The following ICA1 variants were observed in gnomAD, a reference collection of about 807,000 sequenced individuals.
ICA1 encodes islet cell autoantigen 1, also known as 69 kDa islet cell autoantigen.
Under a neutral mutation model 71.0 loss-of-function variants are expected in ICA1, and 40 were observed. The ratio of observed to expected loss-of-function variants is 0.56; its 90% CI spans 0.44 to 0.73. ICA1 has a LOEUF of 0.73. Among genes scored for constraint, ICA1 ranks in the 30% least tolerant of loss-of-function variants. The probability of loss-of-function intolerance (pLI) is 0.00; values close to 1 mark genes in which losing one functional copy is unlikely to be tolerated. For synonymous variants in ICA1, 207 were observed against 209.5 expected (o/e 0.99, Z 0.10); for missense variants, 578 against 576.5 (o/e 1.00, Z -0.03).
At chr7:8,233,394 ATTTT>A (rs35599635) in intron 2 of ICA1, among the ~76,000 whole-genome samples, 1 of 142,714 alleles carries the variant, frequency 7.0e-6, no homozygotes, top group African/African-American at 2.6e-5. Context: ...TATTCTTGGT[ATTTT>A]TTTTTTTTTT....
In ICA1 at chr7:8,173,096, C is replaced by T. The variant is rs2128236729; in HGVS notation, c.580-14444G>A. Among the ~76,000 whole-genome samples, 1 of 152,270 alleles carries T rather than the reference C, an allele frequency of 6.6e-6. No individual in the cohort carries two copies. The highest frequency in any genetic ancestry group is 1.9e-4 in the East Asian group (1 of 5,196). The stretch of plus-strand genomic sequence containing the variant: ...AAAATGCATTTTCTGGCTCTGTTCA[C>T]TGTAAAGGTCTACAAGTAACGGCTA... On this transcript the variant is annotated intron_variant, in intron 6 of 13. Coordinates refer to ENST00000402384, the MANE Select transcript of ICA1 (RefSeq NM_001136020.3). The surrounding 1 kb of genome is among the most constrained non-coding windows in gnomAD (Gnocchi z 4.0).
intron 6 of ICA1, among the ~76,000 whole-genome samples, chr7:8,160,003 T>G (rs1440859036): frequency 6.6e-6 from 1 of 152,148 alleles, no homozygotes; most frequent in African/African-American, 2.4e-5. Flanking sequence ...TCTTTCATCA[T>G]AGGATACCAG....
chr7:8,221,527 C>T, intron 4 of ICA1, 129 bp from the exon 5 acceptor site: 1 of 1,032,956 alleles, frequency 9.7e-7, no homozygotes, highest in Admixed American at 2.2e-5. Context: ...ATCTAAGCGG[C>T]AGGCTACAGG....
intron 13 of ICA1, among the ~76,000 whole-genome samples, chr7:8,114,555 G>T (rs1784188980): frequency 6.6e-6 from 1 of 152,140 alleles, no homozygotes; most frequent in African/African-American, 2.4e-5. Context: ...TTCTCTCAGG[G>T]TCACTGCCTT....
rs1368358124 is a variant in ICA1 at position 8,141,951 on chromosome 7, C to G, written c.903-134G>C. On this transcript the variant is annotated intron_variant, in intron 9 of 13. Transcript: ENST00000402384. ...CACACACACGCACACGAAGAAGGGT[C>G]AACATATAGTCATTTACATGCCAAT... 6 of 1,475,682 alleles carry G rather than the reference C, an allele frequency of 4.1e-6. No homozygotes were observed. In the East Asian group the frequency reaches 7.7e-5, roughly 19 times the overall value. The allele number at this position is 1,475,682 out of a possible 1,614,324, so 91.4% of individuals were successfully genotyped here. A position where few individuals can be genotyped will look rare whatever the true frequency, so the allele number is the denominator to read the frequency against.
Position 8,226,700 on chromosome 7 carries a change from A to G in ICA1, c.256+1901T>C, listed in dbSNP as rs370004270. 1.0e-3 allele frequency among the ~76,000 whole-genome samples: 159 copies of G among 152,302 alleles called. 1 individual carries two copies. Among genetic ancestry groups the G allele is most frequent in the African/African-American group, 3.7e-3 (155 of 41,558 alleles). On this transcript the variant is annotated intron_variant, in intron 4 of 13. Transcript: ENST00000402384. The surrounding 1 kb of genome is among the most constrained non-coding windows in gnomAD (Gnocchi z 4.4). ...TGTCTCTGCTGAGATGGCATGGCTC[A>G]TGTGAGCTTAGCGGGTAGACATAAA...
chr7:8,239,620 G>C (rs1583648210), intron 1 of ICA1, among the ~76,000 whole-genome samples: 1 of 152,320 alleles, frequency 6.6e-6, no homozygotes, highest in African/African-American at 2.4e-5. Flanking sequence ...AGTGCAAGGG[G>C]TCGGGGGATT....
chr7:8,257,447 T>C (rs1031192993), intron 1 of ICA1, among the ~76,000 whole-genome samples: 2 of 152,230 alleles, frequency 1.3e-5, no homozygotes, highest in Non-Finnish European at 2.9e-5. Context: ...TGGAACATTG[T>C]TGCAATACTT....
intron 6 of ICA1, among the ~76,000 whole-genome samples, chr7:8,178,884 C>T (rs549379331): frequency 6.6e-6 from 1 of 152,142 alleles, no homozygotes; most frequent in Admixed American, 6.5e-5. Context: ...GCATGATGAC[C>T]AGGTGCTCTT....
In ICA1 at chr7:8,123,010, C is replaced by T. The variant is rs1787621624; in HGVS notation, c.1330+4863G>A. Among the ~76,000 whole-genome samples, 2 of 152,146 alleles carry T rather than the reference C, an allele frequency of 1.3e-5. No individual in the cohort carries two copies. Among genetic ancestry groups the T allele is most frequent in the South Asian group, 2.1e-4 (1 of 4,828 alleles). On this transcript the variant is annotated intron_variant, in intron 13 of 13. Coordinates refer to ENST00000402384, the MANE Select transcript of ICA1 (RefSeq NM_001136020.3). The surrounding 1 kb of genome is among the most constrained non-coding windows in gnomAD (Gnocchi z 4.1). ...CATTGCCTGTCTCCAGCTCAGGTGG[C>T]CTCTCTGGCTGGCTCTCCTCCTACT...
intron 6 of ICA1, among the ~76,000 whole-genome samples, chr7:8,201,728 G>C (rs1789771619): frequency 6.6e-6 from 1 of 152,236 alleles, no homozygotes; most frequent in Non-Finnish European, 1.5e-5. Flanking sequence ...AAAGAAGAGG[G>C]AGGTGGCTGA....
At chr7:8,247,079 C>T (rs915457403) in intron 1 of ICA1, among the ~76,000 whole-genome samples, 1 of 152,068 alleles carries the variant, frequency 6.6e-6, no homozygotes, top group Non-Finnish European at 1.5e-5. Flanking sequence ...GTGCTGAGTC[C>T]TCAATTTTAT....
chr7:8,238,856 A>G (rs1443768196), intron 1 of ICA1, among the ~76,000 whole-genome samples: 8 of 152,210 alleles, frequency 5.3e-5, no homozygotes, highest in African/African-American at 1.9e-4. Context: ...TTCCGGGGAT[A>G]CTAATATACA....
chr7:8,197,332 A>G (rs979991470), intron 6 of ICA1, among the ~76,000 whole-genome samples: 144 of 151,762 alleles, frequency 9.5e-4, no homozygotes, highest in African/African-American at 3.0e-3. Context: ...AAGCGGGCGG[A>G]TCACAAGGTC....
At chr7:8,250,101 G>T (rs1315274133) in intron 1 of ICA1, among the ~76,000 whole-genome samples, 1 of 152,192 alleles carries the variant, frequency 6.6e-6, no homozygotes, top group Non-Finnish European at 1.5e-5. Context: ...TGATTTGTCA[G>T]AGGTTTTAGC....
At chr7:8,186,177 G>A (rs1222812525) in intron 6 of ICA1, among the ~76,000 whole-genome samples, 1 of 152,186 alleles carries the variant, frequency 6.6e-6, no homozygotes, top group Non-Finnish European at 1.5e-5. Flanking sequence ...AACAGGGGGA[G>A]GAGACAGGGA....
At chr7:8,224,348 G>C (rs938128932) in intron 4 of ICA1, among the ~76,000 whole-genome samples, 1 of 151,994 alleles carries the variant, frequency 6.6e-6, no homozygotes, top group Admixed American at 6.5e-5. Flanking sequence ...TGACTGAAGA[G>C]GTGAACTGGG....
intron 2 of ICA1, 67 bp downstream of exon 2, chr7:8,235,843 A>G: frequency 1.3e-6 from 2 of 1,493,968 alleles, no homozygotes; most frequent in Non-Finnish European, 1.9e-6. Flanking sequence ...CATTCAATAG[A>G]TGTTTATTGA....
At chr7:8,196,726 T>C (rs1787712365) in intron 6 of ICA1, among the ~76,000 whole-genome samples, 1 of 152,172 alleles carries the variant, frequency 6.6e-6, no homozygotes, top group Admixed American at 6.5e-5. Flanking sequence ...ACATATAATA[T>C]ATAATATATT....
Sources: allele counts gnomAD v4.1 joint callset (sites outside exome capture counted in the v4.1 genomes callset), GRCh38; gene constraint gnomAD v4.1.1; non-coding constraint Gnocchi (gnomAD v3.1); transcripts MANE v1.5; gene names NCBI Gene and HGNC (gene_info 2026-07-23, HGNC 2026-07-21).